Variants in RAP1B observed in about 807,000 individuals in gnomAD.
RAP1B encodes ras-related protein Rap-1b.
RAP1B carries 1 observed loss-of-function variant against 27.5 expected under a neutral mutation model. The ratio of observed to expected loss-of-function variants is 0.04; its 90% CI spans 0.01 to 0.17. RAP1B has a LOEUF of 0.17. RAP1B is among the 10% of genes least tolerant of loss of function. The probability of loss-of-function intolerance (pLI) is 1.00; values close to 1 mark genes in which losing one functional copy is unlikely to be tolerated. For missense variants in RAP1B, 84 were observed against 214.8 expected (o/e 0.39, Z 3.81); for synonymous variants, 75 against 73.1 (o/e 1.03, Z -0.13).
intron 1 of RAP1B, among the ~76,000 whole-genome samples, chr12:68,638,422 C>G (rs919633542): frequency 2.7e-4 from 41 of 152,062 alleles, no homozygotes; most frequent in African/African-American, 9.7e-4. Context: ...TGCATCTTGT[C>G]CTGGTTGAGT....
chr12:68,646,272 G>A (rs888010474), intron 1 of RAP1B, among the ~76,000 whole-genome samples: 17 of 151,718 alleles, frequency 1.1e-4, no homozygotes, highest in Admixed American at 1.3e-4. Context: ...ATATAGTTAT[G>A]CAGCCATCAC....
intron 2 of RAP1B, chr12:68,650,189 C>A: frequency 2.9e-6 from 1 of 346,768 alleles, no homozygotes. Context: ...TAGAATTACC[C>A]AATAAGGAGC....
chr12:68,652,394 C>G (rs1486666688), intron 4 of RAP1B, among the ~76,000 whole-genome samples: 5 of 151,174 alleles, frequency 3.3e-5, no homozygotes, highest in Non-Finnish European at 7.4e-5. Flanking sequence ...TGCAGTGAGC[C>G]AAGACTGTGG....
chr12:68,636,328 T>C (rs1446484165), intron 1 of RAP1B, among the ~76,000 whole-genome samples: 1 of 152,214 alleles, frequency 6.6e-6, no homozygotes, highest in Non-Finnish European at 1.5e-5. Flanking sequence ...TTATGAGCAA[T>C]TGTCTCTGGA....
intron 1 of RAP1B, among the ~76,000 whole-genome samples, chr12:68,644,436 T>C (rs1873247579): frequency 6.6e-6 from 1 of 151,694 alleles, no homozygotes; most frequent in Non-Finnish European, 1.5e-5. Flanking sequence ...TACAAAAAAT[T>C]AGCTGGGCGT....
chr12:68,632,317 A>G (rs569797626), intron 1 of RAP1B, among the ~76,000 whole-genome samples: 1 of 151,850 alleles, frequency 6.6e-6, no homozygotes, highest in South Asian at 2.1e-4. Context: ...TATTTTTATT[A>G]GAGACAGGGT....
chr12:68,610,941 C>T lies in RAP1B; in HGVS notation c.-129C>T, dbSNP rs1012034758. 9.6e-4 allele frequency: 296 copies of T among 308,864 alleles called. 1 individual carries two copies. Among genetic ancestry groups the T allele is most frequent in the Non-Finnish European group, 1.6e-3 (267 of 167,492 alleles). 19.1% of individuals were successfully genotyped at this position (308,864 alleles called of 1,614,324 possible). ...CCCAGATTCAGGCGTGTAAACCAGC[C>T]GGAGCGGCGCGGCAGCGGCAGGACC... On this transcript the variant is annotated 5_prime_UTR_variant, in exon 1 of 8. Coordinates refer to ENST00000250559, the MANE Select transcript of RAP1B (RefSeq NM_001010942.3).
chr12:68,613,030 C>G (rs190513734), intron 1 of RAP1B, among the ~76,000 whole-genome samples: 127 of 152,246 alleles, frequency 8.3e-4, no homozygotes, highest in African/African-American at 2.9e-3. Flanking sequence ...GCTAAACTGA[C>G]TTAATTTTAA....
At position 68,638,843 on chromosome 12, in the gene RAP1B, G is replaced by A. The variant is rs569461740; in HGVS notation, c.-26-9856G>A. Among the ~76,000 whole-genome samples, 281 of 152,086 alleles carry A rather than the reference G, an allele frequency of 1.8e-3. 1 individual carries two copies. The highest frequency in any genetic ancestry group is 6.4e-3 in the African/African-American group (264 of 41,506). On this transcript the variant is annotated intron_variant, in intron 1 of 7. Transcript: ENST00000250559. Reference sequence around the variant, plus strand: ...ACCCGACTGATTTTTGTATTTTTTAGTATAGACGGGGTTTCACCATGTTGG... The same window carrying A: ...ACCCGACTGATTTTTGTATTTTTTAATATAGACGGGGTTTCACCATGTTGG...
chr12:68,647,380 A>ACCCC (rs1565670481), intron 1 of RAP1B, among the ~76,000 whole-genome samples: 7 of 4,792 alleles, frequency 1.5e-3, no homozygotes, highest in Non-Finnish European at 1.9e-3. Flanking sequence ...CCCCCACTCC[A>ACCCC]CTCCCCGCCC....
Position 68,661,928 on chromosome 12 carries a change from G to C in RAP1B, c.*2679G>C, listed in dbSNP as rs1266616543. ...CTATATGCCTTTGGTTGGGTGCCTT[G>C]GTTTCCTCATCTGTAAAATGAGAAT... On this transcript the variant is annotated 3_prime_UTR_variant, in exon 8 of 8. Coordinates refer to ENST00000250559, the MANE Select transcript of RAP1B (RefSeq NM_001010942.3). 6.7e-6 allele frequency: 1 copy of C among 150,308 alleles called. No homozygotes were observed. Among genetic ancestry groups the C allele is most frequent in the Non-Finnish European group, 1.5e-5 (1 of 67,730 alleles). The allele number at this position is 150,308 out of a possible 1,614,324, so 9.3% of individuals were successfully genotyped here. A position where few individuals can be genotyped will look rare whatever the true frequency, so the allele number is the denominator to read the frequency against.
intron 5 of RAP1B, 36 bp from the exon 6 acceptor site, chr12:68,656,270 A>G: frequency 1.3e-6 from 2 of 1,542,076 alleles, no homozygotes; most frequent in East Asian, 2.3e-5. Flanking sequence ...TAGCATATTT[A>G]CTTATTTATT....
intron 1 of RAP1B, among the ~76,000 whole-genome samples, chr12:68,632,394 A>G (rs1449386358): frequency 6.6e-6 from 1 of 152,008 alleles, no homozygotes; most frequent in African/African-American, 2.4e-5. Flanking sequence ...TCAGCCTCCC[A>G]ATGTGTTAGG....
chr12:68,660,517 T>G lies in RAP1B; in HGVS notation c.*1268T>G, dbSNP rs2135975883. 6.5e-6 allele frequency: 1 copy of G among 152,802 alleles called. No individual in the cohort carries two copies. The allele number at this position is 152,802 out of a possible 1,614,324, so 9.5% of individuals were successfully genotyped here. On this transcript the variant is annotated 3_prime_UTR_variant, in exon 8 of 8. Transcript: ENST00000250559. ...TTGGATTGCCATGCAAGGGCTTGCA[T>G]TATAATTACTTGCCACTTGAATGTG...
At chr12:68,635,391 A>G (rs1872560161) in intron 1 of RAP1B, among the ~76,000 whole-genome samples, 1 of 152,162 alleles carries the variant, frequency 6.6e-6, no homozygotes, top group Non-Finnish European at 1.5e-5. Context: ...GAAAGGAGAA[A>G]TCAAGTATCT....
chr12:68,639,145 A>G (rs1228828857), intron 1 of RAP1B, among the ~76,000 whole-genome samples: 1 of 152,238 alleles, frequency 6.6e-6, no homozygotes, highest in East Asian at 1.9e-4. Context: ...TACAATATTC[A>G]TAATTTTTAG....
intron 1 of RAP1B, chr12:68,627,139 C>T (rs1172038899): frequency 8.2e-6 from 13 of 1,577,852 alleles, no homozygotes; most frequent in Non-Finnish European, 1.0e-5. Context: ...ACCCTGGCCA[C>T]AGTGCCCTGG....
chr12:68,630,479 C>A (rs559621764), intron 1 of RAP1B, among the ~76,000 whole-genome samples: 1 of 152,252 alleles, frequency 6.6e-6, no homozygotes, highest in South Asian at 2.1e-4. Context: ...GTTGGCCAAC[C>A]TCCCCTCTAG....
rs1184402761 is a variant in RAP1B at position 68,669,302 on chromosome 12, C to A, written c.*10053C>A. 2.0e-5 allele frequency: 3 copies of A among 152,158 alleles called. No homozygotes were observed. The highest frequency in any genetic ancestry group is 7.2e-5 in the African/African-American group (3 of 41,440). The allele number at this position is 152,158 out of a possible 1,614,324, so 9.4% of individuals were successfully genotyped here. On this transcript the variant is annotated 3_prime_UTR_variant, in exon 8 of 8. Transcript: ENST00000250559. ...TGGGAAGATAATATCATAAAAATATCAATTCCCCCAAATTAGCATGTTAAT... is the reference window on the plus strand; with the variant it reads ...TGGGAAGATAATATCATAAAAATATAAATTCCCCCAAATTAGCATGTTAAT...
Sources: allele counts gnomAD v4.1 joint callset (sites outside exome capture counted in the v4.1 genomes callset), GRCh38; gene constraint gnomAD v4.1.1; transcripts MANE v1.5; gene names NCBI Gene and HGNC (gene_info 2026-07-23, HGNC 2026-07-21).